Variants in FREM1 observed in about 807,000 individuals in gnomAD.
FREM1 encodes the protein FRAS1-related extracellular matrix protein 1.
In FREM1, 220 loss-of-function variants were observed where a neutral mutation model predicts 210.1. The observed-to-expected ratio is 1.05, with a 90% CI of 0.94 to 1.17. The LOEUF (loss-of-function observed/expected upper bound fraction) is 1.17, where lower values mean the gene tolerates loss of function less well. FREM1 is among the 50% of genes most tolerant of loss of function. The pLI, the probability that FREM1 is intolerant of heterozygous loss-of-function variation, is 0.00. For synonymous variants in FREM1, 1,189 were observed against 980.2 expected (o/e 1.21, Z -3.98); for missense variants, 3,454 against 2,675.5 (o/e 1.29, Z -6.42).
At chr9:14,850,262 T>A (rs538962317) in intron 6 of FREM1, among the ~76,000 whole-genome samples, 2 of 152,178 alleles carry the variant, frequency 1.3e-5, no homozygotes, top group Non-Finnish European at 2.9e-5. Flanking sequence ...GGAAATTAGA[T>A]AGAAGTAGGA....
chr9:14,747,711 A>G lies in FREM1; in HGVS notation c.5814T>C (p.Val1938=). The change falls in exon 32 of 37, where the codon GTT becomes GTC. Residue 1938 remains valine (V), a synonymous_variant. Transcript: ENST00000380880. The part of the protein sequence containing the change: ...GNGKTVRPSS[V]YRNGTDIIYN... The stretch of plus-strand genomic sequence containing the variant: ...AGATGATGTCTGTTCCATTTCTATA[A>G]ACAGAGGATGGACGAACCTGAAATT... 1.9e-6 allele frequency: 3 copies of G among 1,543,604 alleles called. No individual in the cohort carries two copies. Among genetic ancestry groups the G allele is most frequent in the Non-Finnish European group, 2.6e-6 (3 of 1,141,720 alleles).
intron 19 of FREM1, 62 bp downstream of exon 19, chr9:14,804,894 C>T: frequency 7.9e-7 from 1 of 1,269,248 alleles, no homozygotes; most frequent in Non-Finnish European, 1.1e-6. Flanking sequence ...TGTAAATGGA[C>T]TAATTGAAAA....
intron 21 of FREM1, among the ~76,000 whole-genome samples, chr9:14,794,616 T>C (rs1318501043): frequency 6.6e-6 from 1 of 152,172 alleles, no homozygotes; most frequent in Non-Finnish European, 1.5e-5. Flanking sequence ...GAAATGGTGT[T>C]ACATGCTCTC....
At chr9:14,858,664 G>T (rs142030744) in intron 4 of FREM1, among the ~76,000 whole-genome samples, 1 of 152,114 alleles carries the variant, frequency 6.6e-6, no homozygotes, top group Non-Finnish European at 1.5e-5. Context: ...AGAACAGGAG[G>T]TGCCCAAAAT....
At chr9:14,897,768 T>A (rs1428656137) in intron 1 of FREM1, among the ~76,000 whole-genome samples, 7 of 151,928 alleles carry the variant, frequency 4.6e-5, no homozygotes, top group Non-Finnish European at 7.4e-5. Flanking sequence ...TTTAAAAAAA[T>A]TTTTTTGTAG....
chr9:14,753,631 C>T (rs550180023), intron 29 of FREM1, among the ~76,000 whole-genome samples: 2 of 152,282 alleles, frequency 1.3e-5, no homozygotes, highest in African/African-American at 4.8e-5. Flanking sequence ...TGTTTCTTCA[C>T]CCAATCATGG....
intron 35 of FREM1, among the ~76,000 whole-genome samples, chr9:14,743,511 G>C (rs1242223091): frequency 6.6e-6 from 1 of 151,976 alleles, no homozygotes; most frequent in Non-Finnish European, 1.5e-5. Context: ...ACTTGGCAAT[G>C]TGACACCACC....
chr9:14,896,584 C>T (rs142109672), intron 1 of FREM1, among the ~76,000 whole-genome samples: 9,304 of 150,600 alleles, frequency 0.062, 596 homozygotes, highest in African/African-American at 0.15. Flanking sequence ...AATAATCCAC[C>T]CCTTGTTTAG....
intron 11 of FREM1, 72 bp downstream of exon 11, chr9:14,824,724 T>G: frequency 1.1e-6 from 1 of 928,626 alleles, no homozygotes. Flanking sequence ...TATATATATA[T>G]ATTGCTCTAT....
Position 14,872,395 on chromosome 9 carries a change from G to T in FREM1, c.-267-3151C>A, listed in dbSNP as rs1290837309. Among the ~76,000 whole-genome samples, 15 of 152,288 alleles carry T rather than the reference G, an allele frequency of 9.8e-5. No individual in the cohort carries two copies. The South Asian group carries it at 2.3e-3, about 23-fold the overall frequency. ...AAGAGGTCCTTCAGGTCCCTTGTAA[G>T]TTGGATGCCTAGGCATTTTATCCTC... is the stretch of plus-strand genomic sequence containing the variant. On this transcript the variant is annotated intron_variant, in intron 1 of 36. Transcript: ENST00000380880.
At chr9:14,901,735 G>A (rs116075465) in intron 1 of FREM1, among the ~76,000 whole-genome samples, 2 of 152,186 alleles carry the variant, frequency 1.3e-5, no homozygotes, top group Admixed American at 6.5e-5. Context: ...TTTAGTGTCT[G>A]CAGAAAGAAG....
chr9:14,784,318 T>C, intron 24 of FREM1, 52 bp downstream of exon 24: 1 of 1,551,514 alleles, frequency 6.4e-7, no homozygotes, highest in Non-Finnish European at 8.8e-7. Flanking sequence ...GATCTCCTTT[T>C]CTGTAAGTAT....
intron 3 of FREM1, among the ~76,000 whole-genome samples, chr9:14,861,036 T>TATAC (rs1205939127): frequency 4.6e-5 from 3 of 65,760 alleles, no homozygotes; most frequent in African/African-American, 2.3e-4. Flanking sequence ...TATACATATA[T>TATAC]ACATATATAC....
At chr9:14,776,350 T>C in intron 24 of FREM1, 147 bp from the exon 25 acceptor site, 1 of 852,152 alleles carries the variant, frequency 1.2e-6, no homozygotes, top group Non-Finnish European at 1.7e-6. Flanking sequence ...TGCAGAAAAA[T>C]CCCTATCATT....
chr9:14,801,261 G>T (rs572423308), intron 20 of FREM1, among the ~76,000 whole-genome samples: 1 of 152,222 alleles, frequency 6.6e-6, no homozygotes, highest in South Asian at 2.1e-4. Context: ...GTCTCCCAAA[G>T]TTTTGGGATT....
At chr9:14,854,880 A>T (rs373050408) in intron 5 of FREM1, among the ~76,000 whole-genome samples, 1 of 152,108 alleles carries the variant, frequency 6.6e-6, no homozygotes, top group East Asian at 1.9e-4. Context: ...CATGAAGGAA[A>T]CTACGAACTT....
At chr9:14,860,572 C>CATAGATATATACACAT in intron 3 of FREM1, among the ~76,000 whole-genome samples, 1 of 88,020 alleles carries the variant, frequency 1.1e-5, no homozygotes, top group Non-Finnish European at 2.2e-5. Flanking sequence ...TATATATACA[C>CATAGATATATACACAT]ATATATATAC....
intron 10 of FREM1, among the ~76,000 whole-genome samples, chr9:14,833,523 A>G (rs969058486): frequency 6.6e-6 from 1 of 152,300 alleles, no homozygotes; most frequent in African/African-American, 2.4e-5. Flanking sequence ...AAAGCTGCCT[A>G]TCACTCCTTT....
intron 1 of FREM1, among the ~76,000 whole-genome samples, chr9:14,907,675 G>A (rs535230422): frequency 6.6e-6 from 1 of 152,270 alleles, no homozygotes; most frequent in South Asian, 2.1e-4. Flanking sequence ...ATATTCCTGT[G>A]GTCATGGTGC....
Sources: allele counts gnomAD v4.1 joint callset (sites outside exome capture counted in the v4.1 genomes callset), GRCh38; gene constraint gnomAD v4.1.1; transcripts MANE v1.5; gene names NCBI Gene and HGNC (gene_info 2026-07-23, HGNC 2026-07-21).